The following ZDHHC17 variants were observed in gnomAD, a reference collection of about 807,000 sequenced individuals.
ZDHHC17 encodes zDHHC palmitoyltransferase 17, also known as palmitoyltransferase ZDHHC17.
In ZDHHC17, 40 loss-of-function variants were observed where a neutral mutation model predicts 90.3. That is an observed-to-expected ratio of 0.44 (90% confidence interval 0.34 to 0.58). The LOEUF (loss-of-function observed/expected upper bound fraction) is 0.58, where lower values mean the gene tolerates loss of function less well. Among genes scored for constraint, ZDHHC17 ranks in the 20% least tolerant of loss-of-function variants. The probability of loss-of-function intolerance (pLI) is 0.01; values close to 1 mark genes in which losing one functional copy is unlikely to be tolerated. For synonymous variants in ZDHHC17, 235 were observed against 252.4 expected (o/e 0.93, Z 0.65); for missense variants, 614 against 780.8 (o/e 0.79, Z 2.55).
intron 8 of ZDHHC17, 76 bp from the exon 9 acceptor site, chr12:76,826,832 C>CG (rs934258164): frequency 4.3e-5 from 61 of 1,418,226 alleles, no homozygotes; most frequent in Non-Finnish European, 5.5e-5. Flanking sequence ...TGCATGCCTT[C>CG]ACAAAGGTAA....
At chr12:76,790,113 A>G (rs367836686) in intron 1 of ZDHHC17, among the ~76,000 whole-genome samples, 60 of 152,310 alleles carry the variant, frequency 3.9e-4, no homozygotes, top group Middle Eastern at 3.4e-3. Flanking sequence ...CTCTCTTGAC[A>G]TTGTTTTTGT....
chr12:76,809,804 G>A lies in ZDHHC17; in HGVS notation c.490G>A (p.Ala164Thr). 1 of 1,610,104 alleles carries A rather than the reference G, an allele frequency of 6.2e-7. No individual in the cohort carries two copies. The highest frequency in any genetic ancestry group is 8.5e-7 in the Non-Finnish European group (1 of 1,178,208). The change falls in exon 5 of 17, where the codon GCT (alanine) becomes ACT (threonine). Residue 164 changes from alanine to threonine, a missense_variant. Physicochemically the swap from Ala to Thr is moderately conservative, Grantham distance 58. Around this residue, in one of 5 missense-constraint regions of ZDHHC17, gnomAD observed 358 missense variants for 380.4 expected, o/e 0.94. Coordinates refer to ENST00000426126, the MANE Select transcript of ZDHHC17 (RefSeq NM_015336.4). ...AGAAGGATGTAGCTGTATTCATCTGGCTGCTCAGTTCGGACATACCTCAAT... is the reference window on the plus strand; with the variant it reads ...AGAAGGATGTAGCTGTATTCATCTGACTGCTCAGTTCGGACATACCTCAAT... ...DGEGCSCIHL[A>T]AQFGHTSIVA...
At chr12:76,833,515 G>A (rs781752368) in intron 10 of ZDHHC17, among the ~76,000 whole-genome samples, 11 of 152,190 alleles carry the variant, frequency 7.2e-5, no homozygotes, top group African/African-American at 2.2e-4. Context: ...TTAATTGGCC[G>A]GGCATGGTGG....
chr12:76,802,907 A>G (rs962612466), intron 2 of ZDHHC17, among the ~76,000 whole-genome samples: 3 of 152,216 alleles, frequency 2.0e-5, no homozygotes, highest in Non-Finnish European at 4.4e-5. Flanking sequence ...AGTATGACCC[A>G]TACAGCCGTT....
chr12:76,786,232 T>C (rs1171788521), intron 1 of ZDHHC17, among the ~76,000 whole-genome samples: 1 of 152,050 alleles, frequency 6.6e-6, no homozygotes, highest in African/African-American at 2.4e-5. Context: ...CCTCCTGAGT[T>C]GCTGGGATTA....
chr12:76,788,688 A>ATATATATTTTTTT (rs61663401), intron 1 of ZDHHC17, among the ~76,000 whole-genome samples: 1 of 98,648 alleles, frequency 1.0e-5, no homozygotes, highest in African/African-American at 4.0e-5. Flanking sequence ...TGGAATCGCA[A>ATATATATTTTTTT]TTTTTTTTTT....
At chr12:76,793,289 A>T (rs1037625820) in intron 1 of ZDHHC17, among the ~76,000 whole-genome samples, 1 of 152,180 alleles carries the variant, frequency 6.6e-6, no homozygotes, top group African/African-American at 2.4e-5. Context: ...GGGAGGCCGA[A>T]GTGGTAGATC....
chr12:76,820,814 A>G (rs779474839), intron 7 of ZDHHC17, among the ~76,000 whole-genome samples: 14 of 152,172 alleles, frequency 9.2e-5, no homozygotes, highest in Admixed American at 2.0e-4. Context: ...TAACAGTTAC[A>G]TAGTCTATAA....
intron 1 of ZDHHC17, among the ~76,000 whole-genome samples, chr12:76,778,962 C>A (rs1952593657): frequency 6.6e-6 from 1 of 152,104 alleles, no homozygotes; most frequent in African/African-American, 2.4e-5. Context: ...TTTATGTATC[C>A]AAATTTTCTC....
At chr12:76,832,096 C>T (rs1953309510) in intron 10 of ZDHHC17, among the ~76,000 whole-genome samples, 1 of 152,190 alleles carries the variant, frequency 6.6e-6, no homozygotes, top group Admixed American at 6.5e-5. Flanking sequence ...GATTTTGGAA[C>T]TATGTTTTTC....
intron 1 of ZDHHC17, among the ~76,000 whole-genome samples, chr12:76,783,217 C>G (rs1457290232): frequency 6.6e-6 from 1 of 152,142 alleles, no homozygotes; most frequent in East Asian, 1.9e-4. Context: ...CTACAAAACT[C>G]CAGTCATGTG....
chr12:76,764,409 G>A, intron 1 of ZDHHC17, 80 bp downstream of exon 1: 1 of 1,356,228 alleles, frequency 7.4e-7, no homozygotes. Context: ...GGCGGCGGCC[G>A]ACGTGTGTGG....
rs1953494221 is a variant in ZDHHC17 at position 76,846,296 on chromosome 12, G to T, written c.1424-300G>T. On this transcript the variant is annotated intron_variant, in intron 13 of 16. Transcript: ENST00000426126. The stretch of plus-strand genomic sequence containing the variant: ...GGATTGTAAAGTTTATAAAAGTAAA[G>T]ATAAAATAGGGCTATTTTAAACCTC... The T allele has an allele frequency of 9.6e-6, 3 of 311,562 alleles. No individual in the cohort carries two copies. The East Asian group carries it at 1.8e-4, about 19-fold the overall frequency. The allele number at this position is 311,562 out of a possible 1,614,324, so 19.3% of individuals were successfully genotyped here.
intron 12 of ZDHHC17, chr12:76,844,368 T>C (rs1349443086): frequency 2.0e-5 from 3 of 152,178 alleles, no homozygotes; most frequent in Non-Finnish European, 4.4e-5. Context: ...CTTTGGTAAG[T>C]AGACAAGTCC....
intron 9 of ZDHHC17, 38 bp from the exon 10 acceptor site, chr12:76,828,352 A>T: frequency 6.7e-7 from 1 of 1,495,696 alleles, no homozygotes; most frequent in Admixed American, 2.0e-5. Context: ...TTACAATGAA[A>T]TATAGAGCTC....
At chr12:76,849,528 C>A in intron 16 of ZDHHC17, 58 bp downstream of exon 16, 4 of 1,107,280 alleles carry the variant, frequency 3.6e-6, no homozygotes, top group South Asian at 1.5e-5. Flanking sequence ...TTCTTACTAA[C>A]CAGACTCTTT....
intron 1 of ZDHHC17, among the ~76,000 whole-genome samples, chr12:76,767,406 G>A (rs1402636869): frequency 1.3e-5 from 2 of 152,204 alleles, no homozygotes; most frequent in Admixed American, 1.3e-4. Flanking sequence ...ACTGCCCACT[G>A]TTAAAACCTT....
intron 1 of ZDHHC17, among the ~76,000 whole-genome samples, chr12:76,791,247 A>G (rs1242585269): frequency 6.6e-6 from 1 of 152,138 alleles, no homozygotes; most frequent in Non-Finnish European, 1.5e-5. Flanking sequence ...TTTTCTTGCC[A>G]TTTTGTTATT....
chr12:76,779,128 A>G (rs1461174078), intron 1 of ZDHHC17, among the ~76,000 whole-genome samples: 2 of 152,196 alleles, frequency 1.3e-5, no homozygotes, highest in African/African-American at 4.8e-5. Context: ...TATACATTTC[A>G]GCTGCTAATT....
Sources: gnomAD v4.1 joint callset for allele counts (sites outside exome capture counted in the v4.1 genomes callset) on GRCh38, gnomAD v4.1.1 for gene constraint, gnomAD v4.1.1 regional missense constraint, MANE v1.5 for transcripts, NCBI Gene and HGNC (gene_info 2026-07-23, HGNC 2026-07-21) for gene names.